GLG1: variants seen among roughly 807,000 people sequenced by gnomAD.
GLG1 encodes the protein golgi glycoprotein 1.
A neutral mutation model predicts 160.5 loss-of-function variants in GLG1; 38 were observed. The observed-to-expected ratio is 0.24, with a 90% CI of 0.18 to 0.31. GLG1 has a LOEUF of 0.31. GLG1 is among the 10% of genes least tolerant of loss of function. The pLI is 1.00. For missense variants in GLG1, 1,373 were observed against 1,505.2 expected (o/e 0.91, Z 1.45); for synonymous variants, 644 against 543.4 (o/e 1.19, Z -2.57).
chr16:74,584,639 C>T (rs948287484), intron 1 of GLG1, among the ~76,000 whole-genome samples: 15 of 152,096 alleles, frequency 9.9e-5, no homozygotes, highest in Admixed American at 9.2e-4. Flanking sequence ...ACACTGGGGG[C>T]TGGGCACGGT....
At chr16:74,511,293 C>T (rs1410418028) in intron 2 of GLG1, among the ~76,000 whole-genome samples, 1 of 152,104 alleles carries the variant, frequency 6.6e-6, no homozygotes, top group Non-Finnish European at 1.5e-5. Flanking sequence ...GGTAGGATTT[C>T]TTCTCCTCCC....
chr16:74,461,852 A>C (rs897622074), intron 22 of GLG1: 1 of 397,344 alleles, frequency 2.5e-6, no homozygotes, highest in Non-Finnish European at 4.5e-6. Context: ...ACAGAGAGCT[A>C]TAATGAAAGA....
At chr16:74,468,794 C>A (rs1597232377) in intron 17 of GLG1, 152 bp downstream of exon 17, 2 of 631,788 alleles carry the variant, frequency 3.2e-6, no homozygotes, top group East Asian at 5.3e-5. Flanking sequence ...ACACAGGAAG[C>A]TAATGGTCGT....
intron 1 of GLG1, among the ~76,000 whole-genome samples, chr16:74,561,849 C>A (rs1352750549): frequency 1.3e-5 from 2 of 152,198 alleles, no homozygotes; most frequent in Admixed American, 1.3e-4. Flanking sequence ...CATGACTCAT[C>A]ATGGAAGACA....
chr16:74,454,547 T>C (rs575923471), intron 25 of GLG1, among the ~76,000 whole-genome samples: 1 of 151,144 alleles, frequency 6.6e-6, no homozygotes, highest in South Asian at 2.1e-4. Flanking sequence ...TCGCCTGCAA[T>C]CCCAGCTACT....
intron 25 of GLG1, among the ~76,000 whole-genome samples, chr16:74,454,428 G>A (rs566297967): frequency 6.6e-6 from 1 of 151,074 alleles, no homozygotes; most frequent in African/African-American, 2.4e-5. Context: ...CAGCACTTTG[G>A]GAGGCTGAGA....
At chr16:74,553,664 G>A (rs189693192) in intron 1 of GLG1, among the ~76,000 whole-genome samples, 2 of 151,814 alleles carry the variant, frequency 1.3e-5, no homozygotes, top group African/African-American at 4.8e-5. Flanking sequence ...TAGTAGAGAC[G>A]GGGTTTCACC....
chr16:74,472,531 G>C, intron 13 of GLG1, 120 bp from the exon 14 acceptor site: 2 of 1,435,814 alleles, frequency 1.4e-6, no homozygotes. Context: ...CATACTTTTG[G>C]AAACGATTCT....
At chr16:74,504,252 G>A (rs967623831) in intron 3 of GLG1, among the ~76,000 whole-genome samples, 2 of 152,160 alleles carry the variant, frequency 1.3e-5, no homozygotes, top group African/African-American at 4.8e-5. Flanking sequence ...AGGAGAGACA[G>A]GAGGGAAGGT....
chr16:74,590,139 A>C (rs1373791227), intron 1 of GLG1, among the ~76,000 whole-genome samples: 1 of 151,766 alleles, frequency 6.6e-6, no homozygotes, highest in Non-Finnish European at 1.5e-5. Context: ...TAGGGACTAC[A>C]GGCGCACGCC....
rs1378557409 is a variant in GLG1, at chr16:74,467,400, T to C, written c.2529+356A>G. On this transcript the variant is annotated intron_variant, in intron 18 of 25. Transcript: ENST00000422840. ...CGTCTAGTTAAGAACTTCTGTGCAATGGGAACACAGTGAAGTAACGGTTAA... is the reference window on the plus strand; with the variant it reads ...CGTCTAGTTAAGAACTTCTGTGCAACGGGAACACAGTGAAGTAACGGTTAA... 2.6e-5 allele frequency among the ~76,000 whole-genome samples: 4 copies of C among 152,164 alleles called. No homozygotes were observed. The East Asian group carries it at 5.8e-4, about 22-fold the overall frequency.
At chr16:74,590,918 A>C (rs1407844373) in intron 1 of GLG1, among the ~76,000 whole-genome samples, 1 of 151,664 alleles carries the variant, frequency 6.6e-6, no homozygotes, top group Non-Finnish European at 1.5e-5. Flanking sequence ...TTTTAAAATG[A>C]AATTGTGTCA....
intron 17 of GLG1, chr16:74,468,559 G>T (rs1288495175): frequency 5.1e-6 from 1 of 195,956 alleles, no homozygotes; most frequent in African/African-American, 2.3e-5. Context: ...TACAGGCAGG[G>T]TTTCATCACG....
chr16:74,468,975 T>C lies in GLG1; in HGVS notation c.2407A>G (p.Arg803Gly). The change falls in exon 17 of 26, where the codon AGG becomes GGG. Residue 803 changes from arginine (R) to glycine (G), a missense_variant. Around this residue, in one of 4 missense-constraint regions of GLG1, gnomAD observed 491 missense variants for 632.1 expected, o/e 0.78. Coordinates refer to ENST00000422840, the MANE Select transcript of GLG1 (RefSeq NM_001145667.2). ...KEHRVSLKCR[R>G]QLRVEELEMT... ...TCCAGCTCCTCCACACGGAGCTGCC[T>C]GCGGCACTTCAGGGACACCCTGTGC... is the stretch of plus-strand genomic sequence containing the variant. 1.2e-6 allele frequency: 2 copies of C among 1,611,102 alleles called. No individual in the cohort carries two copies. Among genetic ancestry groups the C allele is most frequent in the Non-Finnish European group, 1.7e-6 (2 of 1,177,202 alleles).
Position 74,490,982 on chromosome 16 carries a change from A to G in GLG1, c.1449+19T>C. On this transcript the variant is annotated intron_variant, in intron 8 of 25. Transcript: ENST00000422840. The stretch of plus-strand genomic sequence containing the variant: ...TGATAAATGTGACATTCAAAATGGC[A>G]ATAGCAATGTCTCCTTACCGCCTGC... 1 of 1,562,534 alleles carries G rather than the reference A, an allele frequency of 6.4e-7. No individual in the cohort carries two copies. The highest frequency in any genetic ancestry group is 2.2e-5 in the East Asian group (1 of 44,660).
chr16:74,491,181 C>T lies in GLG1; in HGVS notation c.1269G>A (p.Met423Ile). ...RQVSSECQGE[M>I]LDYRRMLMED... ...CCATCAACATGCGTCGGTAATCCAG[C>T]ATCTCCCCCTGGCACTCACTGCTGA... Residue 423 changes from methionine to isoleucine, a missense_variant, in exon 8 of 26, where the codon ATG becomes ATA. Met to Ile is a conservative substitution (Grantham distance 10). Around this residue, in one of 4 missense-constraint regions of GLG1, gnomAD observed 386 missense variants for 388.5 expected, o/e 0.99. Transcript: ENST00000422840. The T allele has an allele frequency of 1.2e-6, 2 of 1,614,116 alleles. No individual in the cohort carries two copies. The highest frequency in any genetic ancestry group is 1.7e-6 in the Non-Finnish European group (2 of 1,179,968).
At chr16:74,590,513 CA>C (rs1234497896) in intron 1 of GLG1, among the ~76,000 whole-genome samples, 7 of 149,804 alleles carry the variant, frequency 4.7e-5, no homozygotes, top group Non-Finnish European at 1.0e-4. Context: ...CCCAGCTACT[CA>C]GAAGGCTGAG....
intron 22 of GLG1, 189 bp downstream of exon 22, chr16:74,461,905 T>C (rs555175052): frequency 3.8e-6 from 2 of 530,744 alleles, no homozygotes; most frequent in South Asian, 2.6e-5. Context: ...CGCTTTAGAG[T>C]GTCAGGACTA....
chr16:74,465,604 A>T, intron 19 of GLG1, 72 bp downstream of exon 19: 1 of 1,465,038 alleles, frequency 6.8e-7, no homozygotes, highest in South Asian at 1.2e-5. Context: ...AGCCTGAGGA[A>T]GTTGCTGCCA....
Sources: gnomAD v4.1 joint callset for allele counts (sites outside exome capture counted in the v4.1 genomes callset) on GRCh38, gnomAD v4.1.1 for gene constraint, gnomAD v4.1.1 regional missense constraint, MANE v1.5 for transcripts, NCBI Gene and HGNC (gene_info 2026-07-23, HGNC 2026-07-21) for gene names.